ZNF536: variants seen among roughly 807,000 people sequenced by gnomAD.
The protein encoded by ZNF536 is zinc finger protein 536.
ZNF536 carries 13 observed loss-of-function variants against 84.5 expected under a neutral mutation model. The observed-to-expected ratio is 0.15, with a 90% CI of 0.10 to 0.24. ZNF536 has a LOEUF of 0.24. Ranked by LOEUF, ZNF536 falls within the 10% of genes least tolerant of loss-of-function variation. The probability of loss-of-function intolerance (pLI) is 1.00; values close to 1 mark genes in which losing one functional copy is unlikely to be tolerated. For missense variants in ZNF536, 1,536 were observed against 1,747.5 expected (o/e 0.88, Z 2.16); for synonymous variants, 811 against 742.5 (o/e 1.09, Z -1.50).
At chr19:30,697,923 AAATC>A (rs1276862642) in intron 1 of ZNF536, among the ~76,000 whole-genome samples, 6 of 152,382 alleles carry the variant, frequency 3.9e-5, no homozygotes, top group African/African-American at 1.4e-4. Flanking sequence ...TGTTCACAGA[AAATC>A]AATCAAATCC....
rs181633917 is a variant in ZNF536 at position 30,480,599 on chromosome 19, G to A, written c.2170+34867G>A. 4.6e-3 allele frequency among the ~76,000 whole-genome samples: 694 copies of A among 152,210 alleles called. 4 individuals carry two copies. Among genetic ancestry groups the A allele is most frequent in the African/African-American group, 0.016 (653 of 41,522 alleles). ...GCGTTAGGACAAATACCTAATGCAT[G>A]CAGGGCTTAAAACCTAGATGACGGA... On this transcript the variant is annotated intron_variant, in intron 2 of 4. Coordinates refer to ENST00000355537, the MANE Select transcript of ZNF536 (RefSeq NM_014717.3).
chr19:30,300,559 T>G (rs550508177), intron 2 of ZNF536: 1 of 152,316 alleles, frequency 6.6e-6, no homozygotes, highest in Non-Finnish European at 1.5e-5. Flanking sequence ...ATCATGAGGC[T>G]GAAAGGAATA....
chr19:30,467,907 G>A (rs927772778), intron 2 of ZNF536, among the ~76,000 whole-genome samples: 3 of 152,226 alleles, frequency 2.0e-5, no homozygotes, highest in Non-Finnish European at 4.4e-5. Context: ...AACCCTGCAA[G>A]GCAAGCTGTG....
At chr19:30,364,811 G>A (rs923962101) in intron 3 of ZNF536, among the ~76,000 whole-genome samples, 19 of 152,150 alleles carry the variant, frequency 1.2e-4, no homozygotes, top group South Asian at 2.1e-4. Flanking sequence ...GGTCATATGC[G>A]TTTTTCTTTT....
chr19:30,615,115 T>G (rs1228954098), intron 1 of ZNF536, among the ~76,000 whole-genome samples: 2 of 143,896 alleles, frequency 1.4e-5, no homozygotes, highest in African/African-American at 5.2e-5. Context: ...CCCGGCTAAT[T>G]TTTGTATTTT....
intron 2 of ZNF536, among the ~76,000 whole-genome samples, chr19:30,449,082 C>T (rs33431): frequency 0.54 from 82,563 of 152,096 alleles, 23,382 homozygotes; most frequent in Non-Finnish European, 0.62. Flanking sequence ...ACTAGGACCT[C>T]TGACAAATTG....
At chr19:30,479,076 G>A (rs968595937) in intron 2 of ZNF536, among the ~76,000 whole-genome samples, 2 of 152,146 alleles carry the variant, frequency 1.3e-5, no homozygotes, top group Admixed American at 6.5e-5. Flanking sequence ...CTGGGATTGT[G>A]TATCCCATAT....
At chr19:30,512,633 G>A (rs1307069978) in intron 2 of ZNF536, among the ~76,000 whole-genome samples, 1 of 150,282 alleles carries the variant, frequency 6.7e-6, no homozygotes, top group Non-Finnish European at 1.5e-5. Flanking sequence ...AAAAAAAAAA[G>A]TGCTGCTCCC....
Position 30,548,697 on chromosome 19 carries a change from C to T in ZNF536, c.3078C>T (p.Gly1026=), listed in dbSNP as rs1599766009. 6.2e-7 allele frequency: 1 copy of T among 1,613,988 alleles called. No homozygotes were observed. The highest frequency in any genetic ancestry group is 8.5e-7 in the Non-Finnish European group (1 of 1,180,022). Residue 1026 remains glycine, a synonymous_variant, in exon 4 of 5, where the codon GGC becomes GGT. Transcript: ENST00000355537. ...MALHLQANHL[G]KAKRKDNTIG... is the part of the protein sequence containing the mutation. ...TTCATCTCCAGGCCAACCACCTGGGCAAAGCGAAACGCAAAGATAACACCA... is the reference window on the plus strand; with the variant it reads ...TTCATCTCCAGGCCAACCACCTGGGTAAAGCGAAACGCAAAGATAACACCA...
chr19:30,341,574 A>C (rs997314217), intron 2 of ZNF536, among the ~76,000 whole-genome samples: 5 of 152,148 alleles, frequency 3.3e-5, no homozygotes, highest in African/African-American at 1.2e-4. Flanking sequence ...CACCAAAGTT[A>C]ATAAAGTTCA....
chr19:30,644,232 T>C (rs1364031105), intron 1 of ZNF536, among the ~76,000 whole-genome samples: 2 of 152,224 alleles, frequency 1.3e-5, no homozygotes, highest in African/African-American at 4.8e-5. Flanking sequence ...TCTTTATATG[T>C]ATATTTTTAA....
At chr19:30,651,643 C>A (rs927876079) in intron 1 of ZNF536, among the ~76,000 whole-genome samples, 1 of 152,176 alleles carries the variant, frequency 6.6e-6, no homozygotes, top group Admixed American at 6.5e-5. Context: ...TATCAACTCT[C>A]CAATTTCTGT....
At chr19:30,273,377 C>T (rs1279273693) in intron 1 of ZNF536, among the ~76,000 whole-genome samples, 1 of 152,216 alleles carries the variant, frequency 6.6e-6, no homozygotes, top group Admixed American at 6.5e-5. Context: ...GTTCCTGTTG[C>T]TCCATGTCCT....
intron 1 of ZNF536, among the ~76,000 whole-genome samples, chr19:30,392,893 C>G (rs1359951509): frequency 6.6e-6 from 1 of 152,142 alleles, no homozygotes; most frequent in Admixed American, 6.5e-5. Flanking sequence ...TTGGTAACTT[C>G]AAATAAAACC....
chr19:30,275,602 A>T lies in ZNF536; in HGVS notation c.-189-8470A>T, dbSNP rs187697044. Among the ~76,000 whole-genome samples the T allele has an allele frequency of 6.6e-5, 10 of 152,212 alleles. No homozygotes were observed. The East Asian group carries it at 1.9e-3, about 30-fold the overall frequency. On this transcript the variant is annotated intron_variant, in intron 1 of 5. Transcript: ENST00000585628. The stretch of plus-strand genomic sequence containing the variant: ...ATGGAATCAGTCTGCTGAGATTCAC[A>T]CCCTGGGTCCCCATCTCCTGAGCTC...
intron 1 of ZNF536, among the ~76,000 whole-genome samples, chr19:30,634,066 A>G (rs2048981203): frequency 6.6e-6 from 1 of 152,106 alleles, no homozygotes; most frequent in East Asian, 1.9e-4. Flanking sequence ...CCAGGAGCTC[A>G]GGCTGCAGGA....
intron 1 of ZNF536, among the ~76,000 whole-genome samples, chr19:30,394,495 G>A (rs530193990): frequency 6.6e-6 from 1 of 152,252 alleles, no homozygotes; most frequent in Admixed American, 6.5e-5. Context: ...GTGTAGGACT[G>A]GGCCAGGTGC....
intron 1 of ZNF536, among the ~76,000 whole-genome samples, chr19:30,587,814 A>G (rs1257022724): frequency 5.3e-5 from 8 of 152,256 alleles, no homozygotes; most frequent in Admixed American, 5.2e-4. Flanking sequence ...GCCTGCATGC[A>G]TGCAAACCCT....
At chr19:30,704,420 G>A (rs1405045736) in intron 1 of ZNF536, among the ~76,000 whole-genome samples, 3 of 152,016 alleles carry the variant, frequency 2.0e-5, no homozygotes, top group Non-Finnish European at 2.9e-5. Flanking sequence ...GCTGAGGTGG[G>A]CGGATCACCT....
Sources: gnomAD v4.1 joint callset for allele counts (sites outside exome capture counted in the v4.1 genomes callset) on GRCh38, gnomAD v4.1.1 for gene constraint, MANE v1.5 for transcripts, NCBI Gene and HGNC (gene_info 2026-07-23, HGNC 2026-07-21) for gene names.